Variants in GRIP1 observed in about 807,000 individuals in gnomAD.
GRIP1 encodes glutamate receptor-interacting protein 1.
GRIP1 carries 45 observed loss-of-function variants against 129.9 expected under a neutral mutation model. The ratio of observed to expected loss-of-function variants is 0.35; its 90% CI spans 0.27 to 0.44. The LOEUF is 0.44. GRIP1 is among the 20% of genes least tolerant of loss of function. GRIP1 has a pLI of 1.00. For missense variants in GRIP1, 1,196 were observed against 1,396.8 expected, an observed-to-expected ratio of 0.86 and a Z score of 2.29; for synonymous variants, 530 against 520.8, an observed-to-expected ratio of 1.02 and a Z score of -0.24.
chr12:66,477,548 C>A (rs1290986000), intron 7 of GRIP1, among the ~76,000 whole-genome samples: 2 of 151,802 alleles, frequency 1.3e-5, no homozygotes. Context: ...CATATGGAAC[C>A]AAAAAAGAGC....
Position 66,940,085 on chromosome 12 carries a change from GT to G in GRIP1, c.58+128964del, listed in dbSNP as rs375258479. 4.8e-3 allele frequency among the ~76,000 whole-genome samples: 724 copies of G among 151,046 alleles called. 5 individuals are homozygous for G. The highest frequency in any genetic ancestry group is 0.016 in the African/African-American group (668 of 41,172). ...AAATCAGACTATGTATACCTTTTGG[GT>G]TTTTTTTTAATCATCTCTTCAATGG... On this transcript the variant is annotated intron_variant, in intron 1 of 1. Transcript: ENST00000643019.
Position 66,392,791 on chromosome 12 carries a change from G to T in GRIP1, c.2155C>A (p.Arg719=), listed in dbSNP as rs765203751. ...ERTGAIHIGD[R]ILAINSSSLK... ...CTGCTGCTATTGATGGCTAGGATTC[G>T]GTCTCCTATGTGGATTGCGCCAGTT... The change falls in exon 18 of 25, where the codon CGA becomes AGA. Residue 719 remains arginine (R), a synonymous_variant. Transcript: ENST00000359742. The T allele has an allele frequency of 1.9e-6, 3 of 1,614,034 alleles. No homozygotes were observed. Among genetic ancestry groups the T allele is most frequent in the Non-Finnish European group, 2.5e-6 (3 of 1,179,966 alleles).
chr12:66,605,453 GA>G (rs2064478456), intron 1 of GRIP1, among the ~76,000 whole-genome samples: 1 of 152,100 alleles, frequency 6.6e-6, no homozygotes. Flanking sequence ...AGACTGATGG[GA>G]AAACAAGCAG....
chr12:66,550,542 T>C (rs1592532664), intron 2 of GRIP1, among the ~76,000 whole-genome samples: 1 of 152,126 alleles, frequency 6.6e-6, no homozygotes, highest in Non-Finnish European at 1.5e-5. Context: ...CCCAGAAAAA[T>C]TGTGTGCATT....
chr12:66,470,952 A>G (rs2059422748), intron 7 of GRIP1, among the ~76,000 whole-genome samples: 2 of 152,190 alleles, frequency 1.3e-5, no homozygotes, highest in African/African-American at 4.8e-5. Context: ...CAGTCAAGGG[A>G]CCAGTTTCAG....
chr12:67,007,739 G>GT (rs748610240), intron 1 of GRIP1, among the ~76,000 whole-genome samples: 3 of 152,116 alleles, frequency 2.0e-5, no homozygotes, highest in Non-Finnish European at 2.9e-5. Flanking sequence ...TGGTCATGGT[G>GT]TGACAGCAGT....
intron 1 of GRIP1, among the ~76,000 whole-genome samples, chr12:66,930,972 G>T (rs2041385229): frequency 6.6e-6 from 1 of 152,208 alleles, no homozygotes; most frequent in East Asian, 1.9e-4. Context: ...GGTTAGGTGG[G>T]ATCCTCTCCT....
intron 7 of GRIP1, among the ~76,000 whole-genome samples, chr12:66,508,230 C>T (rs751715464): frequency 2.0e-5 from 3 of 152,126 alleles, no homozygotes; most frequent in Admixed American, 6.5e-5. Flanking sequence ...CTACACATAC[C>T]GCTTAATGAT....
rs115395191 is a variant in GRIP1, at chr12:66,755,533, T to C, written c.-420+48520A>G. Among the ~76,000 whole-genome samples, 1,331 of 152,346 alleles carry C rather than the reference T, an allele frequency of 8.7e-3. 29 individuals are homozygous for C. The highest frequency in any genetic ancestry group is 0.03 in the African/African-American group (1,235 of 41,584). On this transcript the variant is annotated intron_variant, in intron 1 of 4. Coordinates refer to the GRIP1 transcript ENST00000538373. ...AGCAGTGTGTATCAGACAAAAGTCT[T>C]ATGCACATCTTCATACTCCCTTGGC...
intron 4 of GRIP1, among the ~76,000 whole-genome samples, chr12:66,537,333 G>T (rs915145591): frequency 1.3e-5 from 2 of 152,068 alleles, no homozygotes; most frequent in South Asian, 2.1e-4. Flanking sequence ...TGATACTAAA[G>T]TTCATCTCTG....
chr12:66,949,188 G>A (rs761731781), intron 1 of GRIP1, among the ~76,000 whole-genome samples: 5 of 151,966 alleles, frequency 3.3e-5, no homozygotes, highest in Non-Finnish European at 7.4e-5. Context: ...AAAATAACTC[G>A]AACACATAAT....
At chr12:66,730,253 C>T (rs1459729854) in intron 1 of GRIP1, among the ~76,000 whole-genome samples, 3 of 152,124 alleles carry the variant, frequency 2.0e-5, no homozygotes, top group African/African-American at 2.4e-5. Context: ...CATTTCCTAG[C>T]GTCATAAACA....
intron 1 of GRIP1, among the ~76,000 whole-genome samples, chr12:66,866,917 C>G (rs2040215582): frequency 6.6e-6 from 1 of 152,126 alleles, no homozygotes. Context: ...ATGTCGTACA[C>G]AGTAAGTATA....
At position 66,596,922 on chromosome 12, in the gene GRIP1, T is replaced by G; in HGVS notation, c.61A>C (p.Ser21Arg). ...QILRRLTKDESPYTKSASQTK... is the reference protein window; with the variant it reads ...QILRRLTKDERPYTKSASQTK... ...TGGCTGGCGGATTTAGTGTAGGGAC[T>G]CTCATCTGCAAAGGTACAATGAAGC... Residue 21 changes from serine (S) to arginine (R), a missense_variant, in exon 2 of 25, where the codon AGT (serine) becomes CGT (arginine). Physicochemically the swap from Ser to Arg is moderately radical, Grantham distance 110. Transcript: ENST00000359742. The G allele has an allele frequency of 6.2e-7, 1 of 1,608,224 alleles. No individual in the cohort carries two copies. The highest frequency in any genetic ancestry group is 1.1e-5 in the South Asian group (1 of 90,978).
At position 66,595,691 on chromosome 12, in the gene GRIP1, T is replaced by G. The variant is rs923322908; in HGVS notation, c.136+1156A>C. The stretch of plus-strand genomic sequence containing the variant: ...AAATAGAAGACATCTCGGCACTGGG[T>G]GATGCCATCTAATTGTAGAATTCAA... On this transcript the variant is annotated intron_variant, in intron 2 of 24. Transcript: ENST00000359742. Among the ~76,000 whole-genome samples, 3 of 152,314 alleles carry G rather than the reference T, an allele frequency of 2.0e-5. No individual in the cohort carries two copies. The East Asian group carries it at 5.8e-4, about 29-fold the overall frequency.
chr12:67,037,229 G>A (rs2043109995), intron 1 of GRIP1, among the ~76,000 whole-genome samples: 1 of 152,012 alleles, frequency 6.6e-6, no homozygotes. Context: ...TCAGGAGGCT[G>A]AGGCAGGAGA....
In GRIP1 at chr12:66,576,025, G is replaced by A. The variant is rs181375156; in HGVS notation, c.136+20822C>T. 3.3e-5 allele frequency among the ~76,000 whole-genome samples: 5 copies of A among 152,238 alleles called. No individual in the cohort carries two copies. The East Asian group carries it at 5.8e-4, about 18-fold the overall frequency. On this transcript the variant is annotated intron_variant, in intron 2 of 24. Transcript: ENST00000359742. ...TATGAAATGAAGATAAAAATCAAAG[G>A]TATGCTGAAAGGCTGGAATGAGCAA...
chr12:66,763,478 G>C (rs1489499294), intron 1 of GRIP1, among the ~76,000 whole-genome samples: 6 of 152,128 alleles, frequency 3.9e-5, no homozygotes, highest in African/African-American at 1.4e-4. Flanking sequence ...AATTCCCCAG[G>C]ACTCAGCTTG....
At chr12:66,669,822 C>T (rs550580797) in intron 1 of GRIP1, among the ~76,000 whole-genome samples, 45 of 152,244 alleles carry the variant, frequency 3.0e-4, no homozygotes, top group African/African-American at 1.0e-3. Context: ...AGCTCTCCCA[C>T]ATAGATAGAG....
Sources: allele counts gnomAD v4.1 joint callset (sites outside exome capture counted in the v4.1 genomes callset), GRCh38; gene constraint gnomAD v4.1.1; transcripts MANE v1.5; gene names NCBI Gene and HGNC (gene_info 2026-07-23, HGNC 2026-07-21).